PDE10A: variants seen among roughly 807,000 people sequenced by gnomAD.
The protein encoded by PDE10A is cAMP and cAMP-inhibited cGMP 3',5'-cyclic phosphodiesterase 10A.
Under a neutral mutation model 97.7 loss-of-function variants are expected in PDE10A, and 39 were observed. The ratio of observed to expected loss-of-function variants is 0.40; its 90% confidence interval spans 0.31 to 0.52. PDE10A has a LOEUF of 0.52. PDE10A is among the 20% of genes least tolerant of loss of function. The pLI is 0.56. For synonymous variants in PDE10A, 371 were observed against 376.8 expected, an observed-to-expected ratio of 0.98 and a Z score of 0.18; for missense variants, 731 against 1,047.8, an observed-to-expected ratio of 0.70 and a Z score of 4.17.
At chr6:165,437,747 C>T (rs1444033327) in intron 5 of PDE10A, among the ~76,000 whole-genome samples, 2 of 152,164 alleles carry the variant, frequency 1.3e-5, no homozygotes, top group Non-Finnish European at 2.9e-5. Context: ...GAAGCCTAAC[C>T]TCACAACACA....
intron 1 of PDE10A, among the ~76,000 whole-genome samples, chr6:165,624,634 T>C (rs41322150): frequency 0.19 from 29,503 of 152,090 alleles, 4,344 homozygotes; most frequent in African/African-American, 0.42. Flanking sequence ...TACAAATGAA[T>C]TGCAGCAAAC....
intron 7 of PDE10A, among the ~76,000 whole-genome samples, chr6:165,432,157 A>G (rs1016427324): frequency 1.3e-5 from 2 of 152,166 alleles, no homozygotes; most frequent in East Asian, 3.8e-4. Flanking sequence ...CTTCAGGGAG[A>G]AGGACAAGAA....
At position 165,659,092 on chromosome 6, in the gene PDE10A, G is replaced by C. The variant is rs531177671; in HGVS notation, c.865+2855C>G. On this transcript the variant is annotated intron_variant, in intron 1 of 21. Transcript: ENST00000539869. The stretch of plus-strand genomic sequence containing the variant: ...TGGTGCATGAGTGAGCGAACCAGCC[G>C]GTCAGTGTGAAGAGCCAAAACGCAG... 1.6e-4 allele frequency among the ~76,000 whole-genome samples: 24 copies of C among 152,252 alleles called. No homozygotes were observed. In the South Asian group the frequency reaches 3.3e-3, roughly 21 times the overall value.
At chr6:165,898,867 C>T (rs1782028212) in intron 1 of PDE10A, among the ~76,000 whole-genome samples, 1 of 152,186 alleles carries the variant, frequency 6.6e-6, no homozygotes, top group Non-Finnish European at 1.5e-5. Flanking sequence ...CCTACGGCAG[C>T]CTCAGGGTCT....
At chr6:165,945,586 C>T (rs560813077) in intron 1 of PDE10A, among the ~76,000 whole-genome samples, 128 of 152,244 alleles carry the variant, frequency 8.4e-4, no homozygotes, top group African/African-American at 2.9e-3. Context: ...AAAGAAACCC[C>T]GTTGAGCTTG....
intron 1 of PDE10A, among the ~76,000 whole-genome samples, chr6:165,924,132 CGTT>C (rs1347512146): frequency 6.6e-6 from 1 of 152,266 alleles, no homozygotes; most frequent in African/African-American, 2.4e-5. Context: ...GGGTATAACT[CGTT>C]GTTTCCGTGT....
chr6:165,390,823 G>A (rs551886042), intron 16 of PDE10A, among the ~76,000 whole-genome samples: 127 of 152,274 alleles, frequency 8.3e-4, no homozygotes, highest in African/African-American at 3.0e-3. Context: ...CCACATAATT[G>A]GAAGGGAAAT....
intron 1 of PDE10A, among the ~76,000 whole-genome samples, chr6:165,794,563 TTACACACACATTCC>T (rs1354512384): frequency 6.6e-6 from 1 of 150,876 alleles, no homozygotes; most frequent in East Asian, 1.9e-4. Flanking sequence ...ACAAGGTCAC[TTACACACACATTCC>T]TACACACACA....
chr6:165,659,117 G>A (rs1016426486), intron 1 of PDE10A, among the ~76,000 whole-genome samples: 25 of 152,194 alleles, frequency 1.6e-4, no homozygotes, highest in African/African-American at 5.8e-4. Context: ...CCAAAACGCA[G>A]AGCTAAAATG....
chr6:165,467,570 C>T (rs888882692), intron 3 of PDE10A, among the ~76,000 whole-genome samples: 1 of 152,222 alleles, frequency 6.6e-6, no homozygotes, highest in Admixed American at 6.5e-5. Context: ...AAGGACATCA[C>T]ATCTGTTTTT....
intron 1 of PDE10A, among the ~76,000 whole-genome samples, chr6:165,964,297 G>T (rs542088380): frequency 1.3e-5 from 2 of 152,108 alleles, no homozygotes; most frequent in East Asian, 3.9e-4. Context: ...TCGGTCAGCC[G>T]CCAGCTCCTC....
At position 165,945,789 on chromosome 6, in the gene PDE10A, T is replaced by C. The variant is rs369007617; in HGVS notation, c.-615+41740A>G. 3.9e-5 allele frequency among the ~76,000 whole-genome samples: 6 copies of C among 152,326 alleles called. No individual in the cohort carries two copies. The East Asian group carries it at 9.6e-4, about 24-fold the overall frequency. On this transcript the variant is annotated intron_variant, in intron 1 of 19. Transcript: ENST00000366882. ...TTGCTATGGAGCAATAGATAACTAA[T>C]AGAGTCACTAAGTCATCTAGTTCTC...
intron 1 of PDE10A, among the ~76,000 whole-genome samples, chr6:165,943,234 A>AAGGAAG (rs1562809813): frequency 2.3e-3 from 77 of 34,020 alleles, no homozygotes; most frequent in Admixed American, 3.8e-3. Flanking sequence ...AAAGAAAGAA[A>AAGGAAG]GAAGGAAGGA....
At chr6:165,770,638 G>A (rs997523522) in intron 1 of PDE10A, among the ~76,000 whole-genome samples, 4 of 152,116 alleles carry the variant, frequency 2.6e-5, no homozygotes, top group Admixed American at 6.5e-5. Flanking sequence ...TCTGCCTGGG[G>A]AGCGACTCAA....
intron 1 of PDE10A, among the ~76,000 whole-genome samples, chr6:165,939,088 C>T (rs998962919): frequency 1.3e-5 from 2 of 152,194 alleles, no homozygotes; most frequent in Non-Finnish European, 2.9e-5. Context: ...TACCAGTTGA[C>T]TCAGTAAGAT....
intron 1 of PDE10A, among the ~76,000 whole-genome samples, chr6:165,970,074 C>T (rs705802): frequency 0.62 from 93,729 of 152,010 alleles, 29,675 homozygotes; most frequent in East Asian, 0.92. Context: ...TATGATATTT[C>T]CCCCAGCAGG....
intron 1 of PDE10A, among the ~76,000 whole-genome samples, chr6:165,922,888 G>A (rs1426510132): frequency 6.6e-6 from 1 of 152,160 alleles, no homozygotes; most frequent in East Asian, 1.9e-4. Flanking sequence ...CCTTCCGGGG[G>A]TTCACTCCCC....
intron 1 of PDE10A, among the ~76,000 whole-genome samples, chr6:165,900,991 T>C (rs1318170068): frequency 1.3e-5 from 2 of 152,320 alleles, no homozygotes; most frequent in East Asian, 1.9e-4. Flanking sequence ...GTCACGGTCA[T>C]GTGCACAGCC....
At chr6:165,469,076 T>A (rs977765821) in intron 3 of PDE10A, among the ~76,000 whole-genome samples, 5 of 152,244 alleles carry the variant, frequency 3.3e-5, no homozygotes, top group African/African-American at 9.6e-5. Context: ...TCACTTGATA[T>A]CATTTTTTAG....
Sources: allele counts gnomAD v4.1 joint callset (sites outside exome capture counted in the v4.1 genomes callset), GRCh38; gene constraint gnomAD v4.1.1; transcripts MANE v1.5; gene names NCBI Gene and HGNC (gene_info 2026-07-23, HGNC 2026-07-21).